Variants in PPP1R12C observed in about 807,000 individuals in gnomAD.
PPP1R12C encodes leukocyte receptor cluster (LRC) encoded novel gene 3.
In PPP1R12C, 48 loss-of-function variants were observed where a neutral mutation model predicts 95.6. The ratio of observed to expected loss-of-function variants is 0.50; its 90% CI spans 0.40 to 0.64. PPP1R12C has a LOEUF of 0.64. Ranked by LOEUF, PPP1R12C falls within the 30% of genes least tolerant of loss-of-function variation. The pLI is 0.00. For synonymous variants in PPP1R12C, 480 were observed against 460.8 expected, an observed-to-expected ratio of 1.04 and a Z score of -0.53; for missense variants, 1,057 against 1,083.3, an observed-to-expected ratio of 0.98 and a Z score of 0.34.
Position 55,094,684 on chromosome 19 carries a change from T to G in PPP1R12C, c.1569A>C (p.Pro523=). The G allele has an allele frequency of 6.2e-7, 1 of 1,604,426 alleles. No homozygotes were observed. Among genetic ancestry groups the G allele is most frequent in the East Asian group, 2.2e-5 (1 of 44,770 alleles). ...ACCTCCGTCGGTCCCGGGAGTCCGC[T>G]GGGGGCGCCGTGGAGGCTGTGGGGA... ...PNVPTASTAP[P]ADSRDRRRSY... The change falls in exon 12 of 22, where the codon CCA becomes CCC. Residue 523 remains proline, a synonymous_variant. Coordinates refer to ENST00000263433, the MANE Select transcript of PPP1R12C (RefSeq NM_017607.4).
intron 3 of PPP1R12C, 43 bp from the exon 4 acceptor site, chr19:55,103,611 C>T (rs1261252373): frequency 6.7e-6 from 10 of 1,485,648 alleles, no homozygotes; most frequent in African/African-American, 1.4e-5. Context: ...CACCCCATGA[C>T]CTGAAATACC....
chr19:55,105,565 T>C (rs1007852034), intron 3 of PPP1R12C, among the ~76,000 whole-genome samples: 4 of 152,196 alleles, frequency 2.6e-5, no homozygotes, highest in Non-Finnish European at 5.9e-5. Flanking sequence ...TTCAGTGGCA[T>C]TTAGGATACC....
chr19:55,111,569 C>A (rs1332689275), intron 3 of PPP1R12C: 2 of 152,180 alleles, frequency 1.3e-5, no homozygotes, highest in East Asian at 3.9e-4. Context: ...AGCTAGTCCT[C>A]CCGCATGGCT....
Position 55,095,287 on chromosome 19 carries a change from TCA to T in PPP1R12C, c.1454+2_1454+3del, listed in dbSNP as rs2084897165. On this transcript the variant is annotated splice_donor_variant and splice_donor_region_variant and intron_variant, in intron 11 of 21. Transcript: ENST00000263433. LOFTEE classifies it high-confidence loss of function. ...CCTGAGGGGCCCAGGCCCTGGGGAC[TCA>T]CAGGACAGAGGGCTCCGGCAGCTTC... 1 of 1,569,906 alleles carries T rather than the reference TCA, an allele frequency of 6.4e-7. No individual in the cohort carries two copies. Among genetic ancestry groups the T allele is most frequent in the African/African-American group, 1.4e-5 (1 of 73,736 alleles).
intron 6 of PPP1R12C, 96 bp downstream of exon 6, chr19:55,098,688 T>C: frequency 6.9e-7 from 1 of 1,442,528 alleles, no homozygotes; most frequent in South Asian, 1.2e-5. Flanking sequence ...GGGTGGTGGG[T>C]GTCAGAAGTC....
At chr19:55,113,263 C>T in intron 1 of PPP1R12C, 2 of 680,324 alleles carry the variant, frequency 2.9e-6, no homozygotes, top group South Asian at 3.1e-5. Context: ...TCGGAAACCA[C>T]CCCAGCAGAT....
At chr19:55,095,730 A>T (rs1470496158) in intron 9 of PPP1R12C, 127 bp from the exon 10 acceptor site, 1 of 1,516,014 alleles carries the variant, frequency 6.6e-7, no homozygotes, top group Non-Finnish European at 9.1e-7. Flanking sequence ...CAGCCTAAAA[A>T]GGAAGCCGGT....
intron 4 of PPP1R12C, among the ~76,000 whole-genome samples, chr19:55,102,165 T>G (rs1429143888): frequency 6.6e-6 from 1 of 152,178 alleles, no homozygotes; most frequent in African/African-American, 2.4e-5. Context: ...GAACAAAATC[T>G]AAGACTGAGG....
At position 55,096,093 on chromosome 19, in the gene PPP1R12C, GC is replaced by G; in HGVS notation, c.1110del (p.Ile373SerfsTer51). The G allele has an allele frequency of 1.5e-5, 24 of 1,599,050 alleles. No individual in the cohort carries two copies. Among genetic ancestry groups the G allele is most frequent in the South Asian group, 4.5e-5 (4 of 89,376 alleles). The stretch of plus-strand genomic sequence containing the variant: ...CCCTCATCCTCGTCCTGGATGGGGG[GC>G]CCCCCAGCCCCACCAGGCCGGCGCT... ...SKERRPGGAG[G>X]PPIQDEDEGE... is the part of the protein sequence containing the mutation. On this transcript the variant is annotated frameshift_variant, in exon 8 of 22. Transcript: ENST00000263433. LOFTEE classifies it high-confidence loss of function.
intron 3 of PPP1R12C, among the ~76,000 whole-genome samples, chr19:55,104,698 CAAA>C (rs968063862): frequency 9.6e-6 from 1 of 103,868 alleles, no homozygotes; most frequent in East Asian, 2.6e-4. Flanking sequence ...ACTCCGTCTC[CAAA>C]AAAAAAAAAA....
In PPP1R12C at chr19:55,104,806, C is replaced by G. The variant is rs1465393844; in HGVS notation, c.572-1238G>C. 7.1e-4 allele frequency among the ~76,000 whole-genome samples: 107 copies of G among 151,628 alleles called. 1 individual carries two copies. The highest frequency in any genetic ancestry group is 1.3e-4 in the Non-Finnish European group (9 of 67,926). The stretch of plus-strand genomic sequence containing the variant: ...ATATATATATATATATGGTCTCGCT[C>G]TGTCACCCAGGCTGGAGTGCAGTGG... On this transcript the variant is annotated intron_variant, in intron 3 of 21. Transcript: ENST00000263433.
At chr19:55,108,285 GGTT>G (rs2085060309) in intron 3 of PPP1R12C, among the ~76,000 whole-genome samples, 1 of 151,830 alleles carries the variant, frequency 6.6e-6, no homozygotes, top group African/African-American at 2.4e-5. Flanking sequence ...AGTCACAATT[GGTT>G]GTTGTGCAAC....
rs1312744021 is a variant in PPP1R12C at position 55,092,104 on chromosome 19, C to T, written c.2160+118G>A. 4.5e-6 allele frequency: 5 copies of T among 1,118,236 alleles called. No homozygotes were observed. In the African/African-American group the frequency reaches 6.2e-5, roughly 14 times the overall value. The allele number at this position is 1,118,236 out of a possible 1,614,324, so 69.3% of individuals were successfully genotyped here. On this transcript the variant is annotated intron_variant, in intron 19 of 21. Transcript: ENST00000263433. ...CTCCGCCTCCGAGATCTCGGCCCCGCCCCTCAAGTGAAGCCCAGCCCCGCC... is the reference window on the plus strand; with the variant it reads ...CTCCGCCTCCGAGATCTCGGCCCCGTCCCTCAAGTGAAGCCCAGCCCCGCC...
intron 1 of PPP1R12C, among the ~76,000 whole-genome samples, chr19:55,115,718 G>C (rs763932961): frequency 5.9e-5 from 9 of 152,232 alleles, no homozygotes; most frequent in Non-Finnish European, 1.2e-4. Flanking sequence ...GACTAGGAAG[G>C]AGGAGGCCTA....
rs1345533135 is a variant in PPP1R12C, at chr19:55,091,718, A to C, written c.2212-18T>G. 8.7e-6 allele frequency: 14 copies of C among 1,613,482 alleles called. No individual in the cohort carries two copies. Among genetic ancestry groups the C allele is most frequent in the Middle Eastern group, 3.3e-4 (2 of 6,084 alleles). On this transcript the variant is annotated intron_variant, in intron 20 of 21. Transcript: ENST00000263433. ...CTGCGCTCCTGGAATGAACAGGGAA[A>C]GTGCAGAAACTGAGTGAGGCTGAGG...
rs781715851 is a variant in PPP1R12C at position 55,117,493 on chromosome 19, A to AGCCGCC, written c.45_50dup (p.Ala17_Ala18dup). The AGCCGCC allele has an allele frequency of 1.3e-5, 13 of 1,021,222 alleles. No homozygotes were observed. Among genetic ancestry groups the AGCCGCC allele is most frequent in the East Asian group, 1.0e-4 (1 of 9,610 alleles). 63.3% of individuals were successfully genotyped at this position (1,021,222 alleles called of 1,614,324 possible). Reference sequence around the variant, plus strand: ...GCTGCTCCCGTCGCCGCTCCCGGGCAGCCGCCGCCGCCGCCCCCGGGCCAG... The same window carrying AGCCGCC: ...GCTGCTCCCGTCGCCGCTCCCGGGCAGCCGCCGCCGCCGCCGCCGCCCCCGGGCCAG... On this transcript the variant is annotated inframe_insertion, in exon 1 of 22. Transcript: ENST00000263433.
At chr19:55,099,348 T>C (rs1029170027) in intron 4 of PPP1R12C, among the ~76,000 whole-genome samples, 1 of 152,192 alleles carries the variant, frequency 6.6e-6, no homozygotes, top group African/African-American at 2.4e-5. Flanking sequence ...CTGCTCCTGG[T>C]GCTGGCAGGG....
Position 55,099,026 on chromosome 19 carries a change from C to T in PPP1R12C, c.801G>A (p.Ala267=), listed in dbSNP as rs757621931. 1.1e-5 allele frequency: 17 copies of T among 1,555,086 alleles called. No individual in the cohort carries two copies. Among genetic ancestry groups the T allele is most frequent in the Middle Eastern group, 1.7e-4 (1 of 5,768 alleles). Residue 267 remains alanine, a synonymous_variant, in exon 5 of 22, where the codon GCG becomes GCA. Transcript: ENST00000263433. The part of the protein sequence containing the change: ...DGDGWTPLHA[A]AHWGVEDACR... The stretch of plus-strand genomic sequence containing the variant: ...AGGCATCCTCCACGCCCCAGTGTGC[C>T]GCTGCGTGCAGGGGAGTCCAGCCGT...
chr19:55,097,304 GCA>G (rs1231538478), intron 6 of PPP1R12C, among the ~76,000 whole-genome samples: 1 of 90,058 alleles, frequency 1.1e-5, no homozygotes, highest in Non-Finnish European at 2.1e-5. Flanking sequence ...CCTTCCCCAC[GCA>G]GTTCACCACC....
Sources: gnomAD v4.1 joint callset for allele counts (sites outside exome capture counted in the v4.1 genomes callset) on GRCh38, gnomAD v4.1.1 for gene constraint, MANE v1.5 for transcripts, NCBI Gene and HGNC (gene_info 2026-07-23, HGNC 2026-07-21) for gene names.